The following MEIG1 variants were observed in gnomAD, a reference collection of about 807,000 sequenced individuals.
The protein encoded by MEIG1 is meiosis/spermiogenesis associated 1.
A neutral mutation model predicts 11.3 loss-of-function variants in MEIG1; 12 were observed. That is an observed-to-expected ratio of 1.07 (90% CI 0.68 to 1.73). The LOEUF (loss-of-function observed/expected upper bound fraction) is 1.73, where lower values mean the gene tolerates loss of function less well. Ranked by LOEUF, MEIG1 falls within the 40% of genes most tolerant of loss-of-function variation. The pLI, the probability that MEIG1 is intolerant of heterozygous loss-of-function variation, is 0.00. For synonymous variants in MEIG1, 41 were observed against 33.2 expected (o/e 1.24, Z -0.81); for missense variants, 119 against 104.9 (o/e 1.13, Z -0.59).
At chr10:14,970,385 G>A (rs1225829839) in intron 2 of MEIG1, 1 of 152,244 alleles carries the variant, frequency 6.6e-6, no homozygotes, top group African/African-American at 2.4e-5. Flanking sequence ...GCTGTCCTAA[G>A]GATTGTCCCA....
At chr10:14,978,810 G>A (rs1175045553) in intron 1 of MEIG1, among the ~76,000 whole-genome samples, 2 of 151,936 alleles carry the variant, frequency 1.3e-5, no homozygotes, top group East Asian at 3.9e-4. Context: ...GTCACAGAGT[G>A]TACACACCTT....
chr10:14,970,077 G>A lies in MEIG1; in HGVS notation c.139-2436G>A, dbSNP rs78822079. ...GCATTTGCAGTGGGTCTTCAGGGAC[G>A]GATAGGATGGTGACTGAAGGCTTGC... is the stretch of plus-strand genomic sequence containing the variant. On this transcript the variant is annotated intron_variant, in intron 2 of 2. Coordinates refer to ENST00000407572, the MANE Select transcript of MEIG1 (RefSeq NM_001080836.3). Among the ~76,000 whole-genome samples the A allele has an allele frequency of 5.6e-4, 86 of 152,272 alleles. 1 individual carries two copies. The East Asian group carries it at 0.014, about 25-fold the overall frequency.
chr10:14,987,660 G>C (rs1209319700), intron 2 of MEIG1: 2 of 381,400 alleles, frequency 5.2e-6, no homozygotes, highest in Non-Finnish European at 9.6e-6. Context: ...TACTACTTTA[G>C]AGAAAATCCA....
chr10:14,955,140 C>T (rs41304286), upstream of MEIG1, among the ~76,000 whole-genome samples: 10 of 152,136 alleles, frequency 6.6e-5, no homozygotes, highest in Non-Finnish European at 1.5e-4. Context: ...CCACGTTGAC[C>T]AGGCTGGTCT....
intron 2 of MEIG1, chr10:14,987,272 G>A (rs1843328528): frequency 3.7e-6 from 3 of 807,946 alleles, no homozygotes; most frequent in South Asian, 1.4e-5. Context: ...GGTATGGAGG[G>A]GGGAGTCAGA....
Position 14,986,266 on chromosome 10 carries a change from G to A in MEIG1, n.67-530G>A, listed in dbSNP as rs551457062. Among the ~76,000 whole-genome samples the A allele has an allele frequency of 1.8e-3, 279 of 152,226 alleles. 1 individual carries two copies. The highest frequency in any genetic ancestry group is 6.5e-3 in the African/African-American group (268 of 41,532). ...CTTGAACCCAGGAGGCAGAGGATCTGGTGAGCCAAGATTGCACCATCACAC... is the reference window on the plus strand; with the variant it reads ...CTTGAACCCAGGAGGCAGAGGATCTAGTGAGCCAAGATTGCACCATCACAC... On this transcript the variant is annotated intron_variant and non_coding_transcript_variant, in intron 1 of 2. Transcript: ENST00000467536.
chr10:14,968,287 A>G (rs7088856), intron 2 of MEIG1, among the ~76,000 whole-genome samples: 97,410 of 151,880 alleles, frequency 0.64, 31,548 homozygotes, highest in Admixed American at 0.69. Context: ...AATGAGTTTG[A>G]GACCAGCCTA....
intron 1 of MEIG1, among the ~76,000 whole-genome samples, chr10:14,982,108 G>T (rs1257728456): frequency 6.6e-6 from 1 of 152,152 alleles, no homozygotes; most frequent in Non-Finnish European, 1.5e-5. Flanking sequence ...CAGGGTTATC[G>T]GGATCGAGGG....
chr10:14,954,808 C>A (rs1355490308), upstream of MEIG1, among the ~76,000 whole-genome samples: 1 of 152,096 alleles, frequency 6.6e-6, no homozygotes, highest in Non-Finnish European at 1.5e-5. Context: ...GTTTGTTAAA[C>A]CTTTTATTGT....
At chr10:14,982,033 C>T (rs116350030) in intron 1 of MEIG1, among the ~76,000 whole-genome samples, 1,948 of 152,324 alleles carry the variant, frequency 0.013, 25 homozygotes, top group African/African-American at 0.036. Flanking sequence ...CCTGCTTCTG[C>T]AGTTTTCTTC....
intron 1 of MEIG1, among the ~76,000 whole-genome samples, chr10:14,965,322 G>A (rs1336341157): frequency 1.3e-5 from 2 of 152,146 alleles, no homozygotes; most frequent in Non-Finnish European, 2.9e-5. Flanking sequence ...AAGTAGCTGA[G>A]AAAACAAGTG....
downstream of MEIG1, among the ~76,000 whole-genome samples, chr10:14,975,454 G>T (rs998411873): frequency 1.3e-5 from 2 of 151,836 alleles, no homozygotes; most frequent in Admixed American, 1.3e-4. Flanking sequence ...ACATTCAAAG[G>T]TGGAGAGGTT....
chr10:14,968,022 ATT>A (rs1001959925), intron 2 of MEIG1, among the ~76,000 whole-genome samples: 1 of 152,190 alleles, frequency 6.6e-6, no homozygotes, highest in Non-Finnish European at 1.5e-5. Flanking sequence ...TCATAAATAT[ATT>A]TTAATTTTTA....
At chr10:14,966,081 T>TTTTTTTTTG (rs1843079866) in intron 1 of MEIG1, among the ~76,000 whole-genome samples, 2 of 148,970 alleles carry the variant, frequency 1.3e-5, no homozygotes, top group Admixed American at 6.7e-5. Context: ...TTTTTTTTTT[T>TTTTTTTTTG]GAGATGGAGT....
At chr10:14,987,135 G>C in intron 2 of MEIG1, 1 of 848,832 alleles carries the variant, frequency 1.2e-6, no homozygotes, top group East Asian at 4.2e-5. Context: ...AAAGACATCT[G>C]TGTCAGGCAG....
At chr10:14,955,123 G>A (rs1357700447), upstream of MEIG1, among the ~76,000 whole-genome samples, 2 of 152,100 alleles carry the variant, frequency 1.3e-5, no homozygotes. Context: ...GCAGAGACGG[G>A]GTTTCACCAC....
At chr10:14,961,732 G>A (rs7919967) in intron 1 of MEIG1, among the ~76,000 whole-genome samples, 93,102 of 146,570 alleles carry the variant, frequency 0.64, 29,799 homozygotes, top group Non-Finnish European at 0.68. Flanking sequence ...CACCTGCCTC[G>A]GCCTCCCAAA....
chr10:14,983,464 T>C (rs1843285278), intron 1 of MEIG1, among the ~76,000 whole-genome samples: 1 of 151,950 alleles, frequency 6.6e-6, no homozygotes, highest in Admixed American at 6.6e-5. Flanking sequence ...GCAGGAGGTG[T>C]ACACCCATCC....
Position 14,971,155 on chromosome 10 carries a change from G to A in MEIG1, c.139-1358G>A, listed in dbSNP as rs1420463774. 2.7e-5 allele frequency among the ~76,000 whole-genome samples: 4 copies of A among 150,938 alleles called. No homozygotes were observed. The East Asian group carries it at 7.7e-4, about 29-fold the overall frequency. The stretch of plus-strand genomic sequence containing the variant: ...CAATCCCAACACTTTGGAAAGCCAA[G>A]ACAGGAGGATCATTTGAGACCAGGA... On this transcript the variant is annotated intron_variant, in intron 2 of 2. Transcript: ENST00000407572.
Sources: gnomAD v4.1 joint callset for allele counts (sites outside exome capture counted in the v4.1 genomes callset) on GRCh38, gnomAD v4.1.1 for gene constraint, MANE v1.5 for transcripts, NCBI Gene and HGNC (gene_info 2026-07-23, HGNC 2026-07-21) for gene names.